The following PDE4D variants were observed in gnomAD, a reference collection of about 807,000 sequenced individuals.
The protein encoded by PDE4D is 3',5'-cyclic-AMP phosphodiesterase 4D.
PDE4D carries 24 observed loss-of-function variants against 87.4 expected under a neutral mutation model. That is an observed-to-expected ratio of 0.27 (90% confidence interval 0.20 to 0.39). PDE4D has a LOEUF of 0.39. PDE4D is among the 10% of genes least tolerant of loss of function. PDE4D has a pLI of 1.00. For missense variants in PDE4D, 714 were observed against 1,041.0 expected (o/e 0.69, Z 4.32); for synonymous variants, 384 against 383.2 (o/e 1.00, Z -0.02).
chr5:59,104,035 C>T (rs1040444605), intron 5 of PDE4D, among the ~76,000 whole-genome samples: 3 of 149,600 alleles, frequency 2.0e-5, no homozygotes, highest in East Asian at 1.9e-4. Context: ...AATATATGTT[C>T]GAGACTATAT....
At chr5:59,574,363 C>G (rs768712372) in intron 1 of PDE4D, among the ~76,000 whole-genome samples, 1 of 150,926 alleles carries the variant, frequency 6.6e-6, no homozygotes, top group Non-Finnish European at 1.5e-5. Flanking sequence ...TGTTGGTTGT[C>G]TTAAATGCTG....
At chr5:60,287,427 G>A (rs1217194829) in intron 1 of PDE4D, among the ~76,000 whole-genome samples, 2 of 152,182 alleles carry the variant, frequency 1.3e-5, no homozygotes, top group African/African-American at 4.8e-5. Flanking sequence ...TTGTAAGTAC[G>A]TGTTTCCTCT....
rs538565896 is a variant in PDE4D, at chr5:60,062,233, C to T, written c.43-73516G>A. Among the ~76,000 whole-genome samples the T allele has an allele frequency of 2.0e-5, 3 of 152,016 alleles. 1 individual carries two copies. The East Asian group carries it at 5.8e-4, about 29-fold the overall frequency. On this transcript the variant is annotated intron_variant, in intron 2 of 16. Coordinates refer to the PDE4D transcript ENST00000502484. The stretch of plus-strand genomic sequence containing the variant: ...TTTACAAGAAAAACACAAGAAAACC[C>T]ATTAAAAAGTGGGCAAAAACATGAA...
In PDE4D at chr5:58,971,236, T is replaced by C. The variant is rs1487143460; in HGVS notation, c.*3428A>G. On this transcript the variant is annotated 3_prime_UTR_variant, in exon 15 of 15. Transcript: ENST00000340635. The stretch of plus-strand genomic sequence containing the variant: ...ACCAAAGACCTGCAGCTATGTTTTT[T>C]TAAATTTATATATCTTTAAGTATTT... 1 of 152,414 alleles carries C rather than the reference T, an allele frequency of 6.6e-6. No individual in the cohort carries two copies. The highest frequency in any genetic ancestry group is 1.5e-5 in the Non-Finnish European group (1 of 68,032). 9.4% of individuals were successfully genotyped at this position (152,414 alleles called of 1,614,324 possible).
intron 1 of PDE4D, among the ~76,000 whole-genome samples, chr5:59,673,080 T>C (rs1747481052): frequency 6.6e-6 from 1 of 152,194 alleles, no homozygotes; most frequent in African/African-American, 2.4e-5. Flanking sequence ...AGTCTTCCAC[T>C]CCACCTTCAC....
At chr5:59,886,653 A>C (rs1353770506) in intron 1 of PDE4D, among the ~76,000 whole-genome samples, 1 of 152,172 alleles carries the variant, frequency 6.6e-6, no homozygotes, top group Non-Finnish European at 1.5e-5. Flanking sequence ...GGTGTTGCAG[A>C]GCATAGGGAA....
chr5:59,785,068 G>T (rs1765031026), intron 1 of PDE4D, among the ~76,000 whole-genome samples: 1 of 152,108 alleles, frequency 6.6e-6, no homozygotes, highest in South Asian at 2.1e-4. Flanking sequence ...TCAGCAATGT[G>T]AGAATGAACT....
intron 3 of PDE4D, among the ~76,000 whole-genome samples, chr5:59,955,535 T>C (rs1581898282): frequency 6.6e-6 from 1 of 152,192 alleles, no homozygotes; most frequent in African/African-American, 2.4e-5. Context: ...ATTCCAGCTT[T>C]CGGGACACTG....
chr5:59,254,316 CCCT>C (rs1452597427), intron 1 of PDE4D, among the ~76,000 whole-genome samples: 1 of 152,024 alleles, frequency 6.6e-6, no homozygotes, highest in African/African-American at 2.4e-5. Context: ...CCCTAGTTTT[CCCT>C]CCTATTTTGC....
At chr5:60,339,169 C>T (rs1031933040) in intron 1 of PDE4D, among the ~76,000 whole-genome samples, 4 of 152,106 alleles carry the variant, frequency 2.6e-5, no homozygotes, top group Non-Finnish European at 4.4e-5. Context: ...TTGGCAACCT[C>T]AGCATATAAT....
intron 1 of PDE4D, among the ~76,000 whole-genome samples, chr5:59,471,296 G>T (rs1311331219): frequency 1.5e-4 from 23 of 152,132 alleles, no homozygotes; most frequent in Admixed American, 1.5e-3. Context: ...TTAATTGCAG[G>T]TGAGCCTGTA....
intron 3 of PDE4D, among the ~76,000 whole-genome samples, chr5:59,928,910 C>CAT (rs1360190168): frequency 6.7e-6 from 1 of 149,554 alleles, no homozygotes; most frequent in South Asian, 2.1e-4. Context: ...TATATTAGAT[C>CAT]ATATATATAT....
intron 3 of PDE4D, among the ~76,000 whole-genome samples, chr5:59,916,692 T>C (rs1006278421): frequency 1.3e-5 from 2 of 152,218 alleles, no homozygotes; most frequent in African/African-American, 4.8e-5. Context: ...TAAGAGATGG[T>C]TCTAGATATT....
chr5:59,056,219 G>A (rs1762332747), intron 5 of PDE4D, among the ~76,000 whole-genome samples: 2 of 152,120 alleles, frequency 1.3e-5, no homozygotes, highest in Non-Finnish European at 2.9e-5. Flanking sequence ...ATGGCACTAG[G>A]CTGCAGGCAC....
chr5:59,845,098 G>T (rs1033834275), intron 1 of PDE4D, among the ~76,000 whole-genome samples: 1 of 152,042 alleles, frequency 6.6e-6, no homozygotes, highest in Admixed American at 6.6e-5. Context: ...ACTTGAAGGA[G>T]CTTGAAAGAG....
At chr5:60,515,641 G>A (rs1446476302) in intron 1 of PDE4D, among the ~76,000 whole-genome samples, 2 of 138,714 alleles carry the variant, frequency 1.4e-5, no homozygotes, top group Non-Finnish European at 3.0e-5. Flanking sequence ...AGAAGAGGCA[G>A]TGCCTCAAAA....
At chr5:60,385,382 G>A (rs1408922083) in intron 1 of PDE4D, among the ~76,000 whole-genome samples, 2 of 152,226 alleles carry the variant, frequency 1.3e-5, no homozygotes, top group Non-Finnish European at 2.9e-5. Flanking sequence ...AAGAATCTGA[G>A]CTATTCATGC....
chr5:60,061,530 C>T (rs1484117058), intron 2 of PDE4D, among the ~76,000 whole-genome samples: 1 of 151,464 alleles, frequency 6.6e-6, no homozygotes, highest in African/African-American at 2.4e-5. Flanking sequence ...AGATTAAGTG[C>T]TATTCTCATC....
chr5:59,457,938 C>T (rs1269438669), intron 1 of PDE4D, among the ~76,000 whole-genome samples: 2 of 151,896 alleles, frequency 1.3e-5, no homozygotes, highest in Non-Finnish European at 2.9e-5. Context: ...AACAGAAAGA[C>T]AAAATAAGAC....
Sources: gnomAD v4.1 joint callset for allele counts (sites outside exome capture counted in the v4.1 genomes callset) on GRCh38, gnomAD v4.1.1 for gene constraint, MANE v1.5 for transcripts, NCBI Gene and HGNC (gene_info 2026-07-23, HGNC 2026-07-21) for gene names.